Variants in MRAP2 observed in about 807,000 individuals in gnomAD.
The protein encoded by MRAP2 is melanocortin 2 receptor accessory protein 2.
In MRAP2, 20 loss-of-function variants were observed where a neutral mutation model predicts 17.4. The observed-to-expected ratio is 1.15, with a 90% CI of 0.81 to 1.67. The LOEUF (loss-of-function observed/expected upper bound fraction) is 1.67, where lower values mean the gene tolerates loss of function less well. MRAP2 is among the 40% of genes most tolerant of loss of function. The pLI is 0.00. For missense variants in MRAP2, 238 were observed against 240.0 expected (o/e 0.99, Z 0.05); for synonymous variants, 96 against 88.4 (o/e 1.09, Z -0.48).
At chr6:84,064,197 A>G (rs886279945) in intron 3 of MRAP2, among the ~76,000 whole-genome samples, 1 of 151,084 alleles carries the variant, frequency 6.6e-6, no homozygotes, top group African/African-American at 2.4e-5. Context: ...GGGTGGGGCC[A>G]CAGCTGGAAC....
chr6:84,116,946 T>TCCTTC, the MRAP2 span, among the ~76,000 whole-genome samples: 26 of 152,232 alleles, frequency 1.7e-4, no homozygotes, highest in East Asian at 3.5e-3. Context: ...GCTTGCCGTT[T>TCCTTC]CCTTCCCTTC....
At chr6:84,040,192 C>T (rs967612803) in intron 1 of MRAP2, among the ~76,000 whole-genome samples, 8 of 152,098 alleles carry the variant, frequency 5.3e-5, no homozygotes, top group Non-Finnish European at 1.0e-4. Context: ...TCTCTTCACT[C>T]TGACTTCTCC....
chr6:84,058,547 A>C (rs1431741907), intron 2 of MRAP2, among the ~76,000 whole-genome samples: 1 of 151,990 alleles, frequency 6.6e-6, no homozygotes, highest in Admixed American at 6.6e-5. Flanking sequence ...CAGGAGGACA[A>C]GGGAGGAGAG....
chr6:84,070,141 TTTG>T (rs2099495839), intron 3 of MRAP2, among the ~76,000 whole-genome samples: 1 of 152,040 alleles, frequency 6.6e-6, no homozygotes, highest in African/African-American at 2.4e-5. Flanking sequence ...TGGGTTTGGG[TTTG>T]GTTTGTTCTT....
intron 3 of MRAP2, 24 bp from the exon 4 acceptor site, chr6:84,089,067 C>G: frequency 6.3e-7 from 1 of 1,583,964 alleles, no homozygotes; most frequent in Non-Finnish European, 8.6e-7. Flanking sequence ...TGTAAGCAGT[C>G]TTTTATTTTC....
downstream of MRAP2, among the ~76,000 whole-genome samples, chr6:84,095,794 A>G (rs772120229): frequency 1.3e-5 from 2 of 152,312 alleles, no homozygotes; most frequent in Non-Finnish European, 2.9e-5. Flanking sequence ...AGAGGTGTTG[A>G]GTTGGCAGCT....
the MRAP2 span, among the ~76,000 whole-genome samples, chr6:84,099,127 C>T: frequency 6.7e-6 from 1 of 148,808 alleles, no homozygotes; most frequent in African/African-American, 2.5e-5. Context: ...TTTTCTTAAA[C>T]ATGGTGTGAG....
chr6:84,066,030 C>A (rs1195061211), intron 3 of MRAP2, among the ~76,000 whole-genome samples: 1 of 152,070 alleles, frequency 6.6e-6, no homozygotes, highest in East Asian at 1.9e-4. Flanking sequence ...CACACACACA[C>A]ACACACACAT....
chr6:84,107,411 A>G, the MRAP2 span, among the ~76,000 whole-genome samples: 8 of 152,302 alleles, frequency 5.3e-5, no homozygotes, highest in Non-Finnish European at 1.0e-4. Flanking sequence ...AGGACCCAGA[A>G]TTTTAGTTGA....
At chr6:84,035,042 T>C (rs1203537252) in intron 1 of MRAP2, among the ~76,000 whole-genome samples, 1 of 152,142 alleles carries the variant, frequency 6.6e-6, no homozygotes, top group Non-Finnish European at 1.5e-5. Context: ...AGTTTCGTTC[T>C]TATGAGGAAG....
rs78223083 is a variant in MRAP2 at position 84,051,791 on chromosome 6, A to G, written c.-7-3521A>G. 6.6e-3 allele frequency among the ~76,000 whole-genome samples: 998 copies of G among 152,280 alleles called. 6 individuals are homozygous for G. Among genetic ancestry groups the G allele is most frequent in the African/African-American group, 0.022 (932 of 41,570 alleles). Reference sequence around the variant, plus strand: ...TGTGGGAACCTGGGTTGGAGCAGGAAAGATTGGATAGTCCAAAGAAGGGAT... The same window carrying G: ...TGTGGGAACCTGGGTTGGAGCAGGAGAGATTGGATAGTCCAAAGAAGGGAT... On this transcript the variant is annotated intron_variant, in intron 1 of 3. Coordinates refer to ENST00000257776, the MANE Select transcript of MRAP2 (RefSeq NM_138409.4).
At chr6:84,123,365 T>C in the MRAP2 span, among the ~76,000 whole-genome samples, 1 of 151,716 alleles carries the variant, frequency 6.6e-6, no homozygotes, top group African/African-American at 2.4e-5. Context: ...AGCATGGTAG[T>C]GGTATAAAAA....
chr6:84,053,458 T>C (rs932326022), intron 1 of MRAP2, among the ~76,000 whole-genome samples: 1 of 152,196 alleles, frequency 6.6e-6, no homozygotes, highest in African/African-American at 2.4e-5. Flanking sequence ...AGTAATTTTT[T>C]GTCATAGTTT....
At chr6:84,044,087 C>T (rs1026037828) in intron 1 of MRAP2, among the ~76,000 whole-genome samples, 1 of 152,162 alleles carries the variant, frequency 6.6e-6, no homozygotes, top group African/African-American at 2.4e-5. Context: ...CCAAAGAGAA[C>T]ATTGTTTTCT....
In MRAP2 at chr6:84,089,266, A is replaced by G; in HGVS notation, c.403A>G (p.Thr135Ala). The G allele has an allele frequency of 6.2e-7, 1 of 1,614,178 alleles. No homozygotes were observed. Among genetic ancestry groups the G allele is most frequent in the African/African-American group, 1.3e-5 (1 of 75,034 alleles). Reference sequence around the variant, plus strand: ...GGACAGAGCCAAAGCTTGTCACCAGACCACAGCCCTTGACAGTGACGTCCA... The same window carrying G: ...GGACAGAGCCAAAGCTTGTCACCAGGCCACAGCCCTTGACAGTGACGTCCA... ...RLDRAKACHQ[T>A]TALDSDVQLQ... The change falls in exon 4 of 4, where the codon ACC (threonine) becomes GCC (alanine). Residue 135 changes from threonine to alanine, a missense_variant. Transcript: ENST00000257776.
chr6:84,121,571 G>A, the MRAP2 span, among the ~76,000 whole-genome samples: 1 of 152,030 alleles, frequency 6.6e-6, no homozygotes, highest in Admixed American at 6.6e-5. Flanking sequence ...CTGAACCCAG[G>A]AGGCGGAGGT....
chr6:84,072,888 C>T (rs1303061870), intron 3 of MRAP2, among the ~76,000 whole-genome samples: 1 of 152,114 alleles, frequency 6.6e-6, no homozygotes, highest in African/African-American at 2.4e-5. Flanking sequence ...TCACCCAGCT[C>T]CCATACAAAT....
chr6:84,038,097 G>A (rs2497109), intron 1 of MRAP2, among the ~76,000 whole-genome samples: 11,777 of 152,256 alleles, frequency 0.077, 770 homozygotes, highest in African/African-American at 0.17. Flanking sequence ...AGAGTTTGTT[G>A]GGCAAAGGAT....
chr6:84,049,699 A>G (rs1457013540), intron 1 of MRAP2, among the ~76,000 whole-genome samples: 1 of 152,138 alleles, frequency 6.6e-6, no homozygotes, highest in East Asian at 1.9e-4. Flanking sequence ...ATTGGCATTG[A>G]TTTTTATGTT....
Sources: allele counts gnomAD v4.1 joint callset (sites outside exome capture counted in the v4.1 genomes callset), GRCh38; gene constraint gnomAD v4.1.1; transcripts MANE v1.5; gene names NCBI Gene and HGNC (gene_info 2026-07-23, HGNC 2026-07-21).